The following LIPH variants were observed in gnomAD, a reference collection of about 807,000 sequenced individuals.
LIPH encodes lipase member H.
LIPH carries 32 observed loss-of-function variants against 47.6 expected under a neutral mutation model. The observed-to-expected ratio is 0.67, with a 90% CI of 0.51 to 0.90. LIPH has a LOEUF of 0.90. LIPH is among the 40% of genes least tolerant of loss of function. LIPH has a pLI of 0.00. For synonymous variants in LIPH, 190 were observed against 195.6 expected, an observed-to-expected ratio of 0.97 and a Z score of 0.24; for missense variants, 497 against 541.4, an observed-to-expected ratio of 0.92 and a Z score of 0.81.
In LIPH at chr3:185,507,187, C is replaced by A. The variant is rs574714486; in HGVS notation, c.*1603G>T. ...AGGAGTTCGAGACGAGCCTGGCTAA[C>A]GTGGTGAAACCCTGTCTCTAATAAA... is the stretch of plus-strand genomic sequence containing the variant. On this transcript the variant is annotated 3_prime_UTR_variant, in exon 10 of 10. Transcript: ENST00000296252. 5.9e-5 allele frequency: 9 copies of A among 151,374 alleles called. No individual in the cohort carries two copies. Among genetic ancestry groups the A allele is most frequent in the African/African-American group, 2.2e-4 (9 of 41,222 alleles). The allele number at this position is 151,374 out of a possible 1,614,324, so 9.4% of individuals were successfully genotyped here. A position where few individuals can be genotyped will look rare whatever the true frequency, so the allele number is the denominator to read the frequency against.
rs754720487 is a variant in LIPH, at chr3:185,511,600, T to C, written c.1192A>G (p.Thr398Ala). The C allele has an allele frequency of 6.2e-7, 1 of 1,613,788 alleles. No individual in the cohort carries two copies. The change falls in exon 9 of 10, where the codon ACA (threonine) becomes GCA (alanine). Residue 398 changes from threonine (T) to alanine (A), a missense_variant. Physicochemically the swap from Thr to Ala is moderately conservative, Grantham distance 58. Transcript: ENST00000296252. ...KVAAISLMFS[T>A]GSLIGPRYKL... ...TACCTTGGGCCTATTAGAGATCCTG[T>C]AGAGAACATCAAGGAAATTGCAGCC...
intron 3 of LIPH, among the ~76,000 whole-genome samples, chr3:185,529,930 G>GA (rs1303479719): frequency 2.0e-4 from 9 of 45,884 alleles, no homozygotes; most frequent in Non-Finnish European, 4.3e-4. Flanking sequence ...AAGAAAGAAA[G>GA]AAAGAAAGAA....
chr3:185,513,071 GGT>G (rs1190579204), intron 8 of LIPH, among the ~76,000 whole-genome samples: 1 of 152,038 alleles, frequency 6.6e-6, no homozygotes, highest in East Asian at 1.9e-4. Context: ...AGCCGGGCAC[GGT>G]GGCTCATGCC....
chr3:185,541,379 T>G (rs939490365), intron 1 of LIPH, among the ~76,000 whole-genome samples: 1 of 150,132 alleles, frequency 6.7e-6, no homozygotes, highest in African/African-American at 2.4e-5. Context: ...TCTCATTATT[T>G]CTGGATCTTT....
intron 7 of LIPH, among the ~76,000 whole-genome samples, chr3:185,515,776 C>T (rs1325297341): frequency 6.6e-6 from 1 of 152,168 alleles, no homozygotes; most frequent in Non-Finnish European, 1.5e-5. Context: ...AGTGATCCGC[C>T]CGCCTTGGCC....
chr3:185,544,359 G>C (rs1469446498), intron 1 of LIPH, among the ~76,000 whole-genome samples: 1 of 145,670 alleles, frequency 6.9e-6, no homozygotes, highest in African/African-American at 2.6e-5. Flanking sequence ...GTTTTGTTTT[G>C]TTTTGTTTTT....
At chr3:185,547,690 G>A (rs1720918632) in intron 1 of LIPH, among the ~76,000 whole-genome samples, 1 of 152,032 alleles carries the variant, frequency 6.6e-6, no homozygotes, top group Non-Finnish European at 1.5e-5. Context: ...CGGGCATGGT[G>A]GCAGGCACCT....
chr3:185,535,623 G>T (rs1397757558), intron 1 of LIPH, among the ~76,000 whole-genome samples: 1 of 151,656 alleles, frequency 6.6e-6, no homozygotes, highest in Non-Finnish European at 1.5e-5. Context: ...TTGTTTTGGA[G>T]ACAGAGTCTC....
chr3:185,508,665 T>C lies in LIPH; in HGVS notation c.*125A>G. The C allele has an allele frequency of 2.7e-6, 2 of 736,200 alleles. No individual in the cohort carries two copies. Among genetic ancestry groups the C allele is most frequent in the Non-Finnish European group, 5.0e-6 (2 of 403,424 alleles). The allele number at this position is 736,200 out of a possible 1,614,324, so 45.6% of individuals were successfully genotyped here. ...GTACAATGTGACATCCATAGGACGC[T>C]ACTGAAAAAAGCCTTGGTTTTTTTC... On this transcript the variant is annotated 3_prime_UTR_variant, in exon 10 of 10. Transcript: ENST00000296252.
chr3:185,515,864 G>A (rs973031475), intron 7 of LIPH, among the ~76,000 whole-genome samples: 1 of 152,106 alleles, frequency 6.6e-6, no homozygotes, highest in Non-Finnish European at 1.5e-5. Flanking sequence ...CTCACACCTG[G>A]CATGGAAGTT....
chr3:185,541,660 C>A (rs769874687), intron 1 of LIPH, among the ~76,000 whole-genome samples: 8 of 151,988 alleles, frequency 5.3e-5, no homozygotes, highest in Non-Finnish European at 1.2e-4. Context: ...CCTGCCTCAG[C>A]CTCCCAAAGT....
At chr3:185,511,445 C>T (rs978294041) in intron 9 of LIPH, 79 bp downstream of exon 9, 3 of 1,297,238 alleles carry the variant, frequency 2.3e-6, no homozygotes, top group Non-Finnish European at 3.4e-6. Context: ...CTTATTAACA[C>T]ATCAGACCAA....
chr3:185,509,148 G>A (rs983768834), intron 9 of LIPH, among the ~76,000 whole-genome samples: 1 of 151,488 alleles, frequency 6.6e-6, no homozygotes, highest in Non-Finnish European at 1.5e-5. Flanking sequence ...AAAATTAGCT[G>A]GGTGTGGTAG....
intron 1 of LIPH, among the ~76,000 whole-genome samples, chr3:185,551,477 C>T (rs79766211): frequency 0.048 from 7,310 of 152,228 alleles, 289 homozygotes; most frequent in East Asian, 0.24. Flanking sequence ...TCATCAGAAT[C>T]AGTTGAAAGG....
intron 1 of LIPH, among the ~76,000 whole-genome samples, chr3:185,545,992 C>T (rs1322591503): frequency 6.7e-6 from 1 of 149,424 alleles, no homozygotes; most frequent in Non-Finnish European, 1.5e-5. Context: ...CCCATCTCTA[C>T]TAAAAATACA....
At chr3:185,537,174 C>T (rs531262774) in intron 1 of LIPH, among the ~76,000 whole-genome samples, 22 of 152,246 alleles carry the variant, frequency 1.4e-4, no homozygotes, top group South Asian at 4.2e-4. Context: ...CGTGAGCCAT[C>T]GTGCCCAGCC....
rs1225422651 is a variant in LIPH at position 185,526,566 on chromosome 3, A to AG, written c.628+917_628+918insC. On this transcript the variant is annotated intron_variant, in intron 4 of 9. Transcript: ENST00000296252. ...AAATAAAATAAGATAAGATAAGATA[A>AG]AATAAAATAAAAATAAGATAAAATA... is the stretch of plus-strand genomic sequence containing the variant. 3.0e-3 allele frequency among the ~76,000 whole-genome samples: 407 copies of AG among 135,986 alleles called. 2 individuals carry two copies. The highest frequency in any genetic ancestry group is 8.4e-3 in the African/African-American group (311 of 37,146). 89.2% of individuals were successfully genotyped at this position (135,986 alleles called of 152,430 possible). A position where few individuals can be genotyped will look rare whatever the true frequency, so the allele number is the denominator to read the frequency against.
chr3:185,511,252 G>C (rs1577661782), intron 9 of LIPH, among the ~76,000 whole-genome samples: 1 of 151,366 alleles, frequency 6.6e-6, no homozygotes, highest in East Asian at 1.9e-4. Flanking sequence ...TTTTTGTAGA[G>C]ACAGGGTCTC....
In LIPH at chr3:185,517,155, A is replaced by G. The variant is rs1429879493; in HGVS notation, c.894T>C (p.Tyr298=). The part of the protein sequence containing the change: ...QKESCPLLGY[Y]ADNWKDHLRG... ...TTAGATGGTCTTTCCAATTATCAGC[A>G]TAATAGCCTATGAAACAAGTTTAAA... is the stretch of plus-strand genomic sequence containing the variant. Residue 298 remains tyrosine, a synonymous_variant, in exon 7 of 10, where the codon TAT becomes TAC. Coordinates refer to ENST00000296252, the MANE Select transcript of LIPH (RefSeq NM_139248.3). 1 of 1,572,386 alleles carries G rather than the reference A, an allele frequency of 6.4e-7. No individual in the cohort carries two copies. Among genetic ancestry groups the G allele is most frequent in the East Asian group, 2.2e-5 (1 of 44,670 alleles).
Sources: gnomAD v4.1 joint callset for allele counts (sites outside exome capture counted in the v4.1 genomes callset) on GRCh38, gnomAD v4.1.1 for gene constraint, MANE v1.5 for transcripts, NCBI Gene and HGNC (gene_info 2026-07-23, HGNC 2026-07-21) for gene names.